Variants in RBM26 observed in about 807,000 individuals in gnomAD.
RBM26 encodes the protein RNA-binding protein 26.
In RBM26, 30 loss-of-function variants were observed where a neutral mutation model predicts 123.6. That is an observed-to-expected ratio of 0.24 (90% CI 0.18 to 0.33). The LOEUF is 0.33. Among genes scored for constraint, RBM26 ranks in the 10% least tolerant of loss-of-function variants. The probability of loss-of-function intolerance (pLI) is 1.00; values close to 1 mark genes in which losing one functional copy is unlikely to be tolerated. For synonymous variants in RBM26, 400 were observed against 404.4 expected (o/e 0.99, Z 0.13); for missense variants, 947 against 1,203.6 (o/e 0.79, Z 3.15).
In RBM26 at chr13:79,319,352, T is replaced by A. The variant is rs2067434406; in HGVS notation, c.*1269A>T. The stretch of plus-strand genomic sequence containing the variant: ...TGAATTTGAAAATATAAATATGTAA[T>A]CTCCCACCCCCATTCTACAAAGAAT... On this transcript the variant is annotated 3_prime_UTR_variant, in exon 22 of 22. Coordinates refer to ENST00000438737, the MANE Select transcript of RBM26 (RefSeq NM_001366735.2). 27 of 983,332 alleles carry A rather than the reference T, an allele frequency of 2.7e-5. No individual in the cohort carries two copies. The South Asian group carries it at 9.4e-4, about 34-fold the overall frequency. The allele number at this position is 983,332 out of a possible 1,614,324, so 60.9% of individuals were successfully genotyped here. A position where few individuals can be genotyped will look rare whatever the true frequency, so the allele number is the denominator to read the frequency against.
In RBM26 at chr13:79,341,182, T is replaced by A; in HGVS notation, c.2473A>T (p.Met825Leu). The change falls in exon 18 of 22, where the codon ATG becomes TTG. Residue 825 changes from methionine to leucine, a missense_variant. By Grantham distance (15) the Met-to-Leu change is conservative (BLOSUM62 2). Around this residue, in one of 5 missense-constraint regions of RBM26, gnomAD observed 4 missense variants for 19.7 expected, o/e 0.20. Coordinates refer to ENST00000438737, the MANE Select transcript of RBM26 (RefSeq NM_001366735.2). ...TCAGTGACTTCTTCTCCAGCCTGCATCTTCTTATATAAATCCAGTTCTGTG... is the reference window on the plus strand; with the variant it reads ...TCAGTGACTTCTTCTCCAGCCTGCAACTTCTTATATAAATCCAGTTCTGTG... ...LDTELDLYKKMQAGEEVTELR... is the reference protein window; with the variant it reads ...LDTELDLYKKLQAGEEVTELR... The A allele has an allele frequency of 6.2e-7, 1 of 1,610,350 alleles. No homozygotes were observed. The highest frequency in any genetic ancestry group is 8.5e-7 in the Non-Finnish European group (1 of 1,177,708).
chr13:79,365,799 AAAC>A (rs2075201367), intron 8 of RBM26, 81 bp from the exon 9 acceptor site: 2 of 1,236,388 alleles, frequency 1.6e-6, no homozygotes, highest in Middle Eastern at 4.3e-4. Context: ...GAGAAAAAGT[AAAC>A]AATATAACAT....
chr13:79,313,783 G>C (rs1225065941), exon 5 of RBM26: 1 of 150,820 alleles, frequency 6.6e-6, no homozygotes, highest in Non-Finnish European at 1.5e-5. Flanking sequence ...CATTATGACT[G>C]ATGTGTTTAT....
chr13:79,312,192 G>A (rs2066914587), exon 5 of RBM26: 1 of 151,998 alleles, frequency 6.6e-6, no homozygotes, highest in Non-Finnish European at 1.5e-5. Context: ...CAGACAAGAA[G>A]ACTCCTTTGG....
chr13:79,312,738 G>C (rs897262256), exon 5 of RBM26: 3 of 141,064 alleles, frequency 2.1e-5, no homozygotes, highest in African/African-American at 8.1e-5. Context: ...CTTAAATTAT[G>C]ATGTGTTTCT....
chr13:79,326,986 C>A (rs2068523750), intron 20 of RBM26, among the ~76,000 whole-genome samples: 1 of 151,704 alleles, frequency 6.6e-6, no homozygotes, highest in South Asian at 2.1e-4. Context: ...ATACAAACAT[C>A]AAAAAGCATT....
At chr13:79,399,048 G>T (rs1054466862) in intron 1 of RBM26, among the ~76,000 whole-genome samples, 2 of 152,122 alleles carry the variant, frequency 1.3e-5, no homozygotes, top group Admixed American at 6.5e-5. Context: ...AAAATAACAC[G>T]ACTAAATAAT....
intron 20 of RBM26, among the ~76,000 whole-genome samples, chr13:79,329,087 G>A (rs1021360820): frequency 2.0e-5 from 3 of 151,804 alleles, no homozygotes; most frequent in Admixed American, 6.6e-5. Context: ...GTACATATCC[G>A]TTCACCCACA....
intron 3 of RBM26, among the ~76,000 whole-genome samples, chr13:79,373,149 AT>A (rs992578962): frequency 1.6e-4 from 2 of 12,180 alleles, no homozygotes; most frequent in Non-Finnish European, 3.0e-4. Context: ...TATATTATAT[AT>A]TTTATGTATT....
chr13:79,339,312 T>C (rs377684633), intron 18 of RBM26, among the ~76,000 whole-genome samples: 10 of 152,208 alleles, frequency 6.6e-5, no homozygotes, highest in African/African-American at 2.2e-4. Flanking sequence ...TTCAGTCAGA[T>C]AGGAAGAGTA....
intron 1 of RBM26, among the ~76,000 whole-genome samples, chr13:79,403,488 A>AAT (rs1334317738): frequency 6.6e-6 from 1 of 152,248 alleles, no homozygotes; most frequent in East Asian, 1.9e-4. Context: ...CAGTAAATCT[A>AAT]ATATGAAACT....
chr13:79,372,091 C>A (rs1450820360), intron 3 of RBM26, among the ~76,000 whole-genome samples, 161 bp from the exon 4 acceptor site: 2 of 152,074 alleles, frequency 1.3e-5, no homozygotes, highest in Non-Finnish European at 2.9e-5. Context: ...CCAGCCTGGC[C>A]AACATGGTGA....
chr13:79,312,294 A>G (rs1440147970), exon 5 of RBM26: 2 of 152,102 alleles, frequency 1.3e-5, no homozygotes, highest in Non-Finnish European at 2.9e-5. Context: ...CTGAAGTAGC[A>G]TCATACCCAA....
intron 20 of RBM26, among the ~76,000 whole-genome samples, chr13:79,328,304 T>C (rs1450713633): frequency 1.3e-5 from 2 of 152,090 alleles, no homozygotes; most frequent in Admixed American, 6.5e-5. Flanking sequence ...AGAGAACTCA[T>C]CAATGGAAGA....
chr13:79,326,508 C>A (rs1230850630), intron 20 of RBM26, among the ~76,000 whole-genome samples: 2 of 151,982 alleles, frequency 1.3e-5, no homozygotes, highest in East Asian at 3.9e-4. Flanking sequence ...AAATTTGCTT[C>A]CCAATGCAAA....
At chr13:79,387,583 G>A (rs1303907474) in intron 1 of RBM26, among the ~76,000 whole-genome samples, 1 of 148,076 alleles carries the variant, frequency 6.8e-6, no homozygotes, top group African/African-American at 2.5e-5. Flanking sequence ...AAAAGGCACT[G>A]AACCATACGA....
chr13:79,377,588 T>C, intron 2 of RBM26, 73 bp from the exon 3 acceptor site: 1 of 1,144,282 alleles, frequency 8.7e-7, no homozygotes. Flanking sequence ...ACATCTCTTA[T>C]CTCTAATATG....
chr13:79,352,882 C>T (rs1055646948), intron 14 of RBM26, among the ~76,000 whole-genome samples: 1 of 151,712 alleles, frequency 6.6e-6, no homozygotes, highest in South Asian at 2.1e-4. Context: ...CACAGTATCT[C>T]TAAAGAAAAC....
chr13:79,365,505 A>T, intron 9 of RBM26, 73 bp downstream of exon 9: 1 of 1,228,672 alleles, frequency 8.1e-7, no homozygotes, highest in Non-Finnish European at 1.2e-6. Context: ...AGGCAAGACC[A>T]ACTGTTCTTT....
Sources: allele counts gnomAD v4.1 joint callset (sites outside exome capture counted in the v4.1 genomes callset), GRCh38; gene constraint gnomAD v4.1.1; regional missense constraint gnomAD v4.1.1; transcripts MANE v1.5; gene names NCBI Gene and HGNC (gene_info 2026-07-23, HGNC 2026-07-21).